PLBD2: variants seen among roughly 807,000 people sequenced by gnomAD.
The protein encoded by PLBD2 is phospholipase B domain containing 2.
In PLBD2, 51 loss-of-function variants were observed where a neutral mutation model predicts 68.3. The ratio of observed to expected loss-of-function variants is 0.75; its 90% confidence interval spans 0.60 to 0.94. PLBD2 has a LOEUF of 0.94. PLBD2 is among the 40% of genes least tolerant of loss of function. The probability of loss-of-function intolerance (pLI) is 0.00; values close to 1 mark genes in which losing one functional copy is unlikely to be tolerated. For missense variants in PLBD2, 729 were observed against 792.2 expected (o/e 0.92, Z 0.96); for synonymous variants, 314 against 339.3 (o/e 0.93, Z 0.82).
At chr12:113,371,310 G>A (rs1332217927) in intron 2 of PLBD2, among the ~76,000 whole-genome samples, 1 of 152,232 alleles carries the variant, frequency 6.6e-6, no homozygotes, top group African/African-American at 2.4e-5. Context: ...AAACACCATG[G>A]GCAGGTGAAT....
At chr12:113,369,237 T>C (rs779289021) in intron 2 of PLBD2, 28 bp downstream of exon 2, 1 of 1,536,998 alleles carries the variant, frequency 6.5e-7, no homozygotes, top group Non-Finnish European at 8.8e-7. Flanking sequence ...GACATGGGGC[T>C]CCCACCCTGC....
chr12:113,384,072 G>T lies in PLBD2; in HGVS notation c.958-33G>T. Reference sequence around the variant, plus strand: ...CTGCCACTTGGTGGCAGCATGCCTAGGCTGTGCAGCAGCCCCCTTGACCTT... The same window carrying T: ...CTGCCACTTGGTGGCAGCATGCCTATGCTGTGCAGCAGCCCCCTTGACCTT... On this transcript the variant is annotated intron_variant, in intron 6 of 11. Coordinates refer to ENST00000280800, the MANE Select transcript of PLBD2 (RefSeq NM_173542.4). The surrounding 1 kb of genome is among the most constrained non-coding windows in gnomAD (Gnocchi z 4.2). The T allele has an allele frequency of 6.4e-7, 1 of 1,556,726 alleles. No individual in the cohort carries two copies. Among genetic ancestry groups the T allele is most frequent in the Non-Finnish European group, 8.7e-7 (1 of 1,146,978 alleles).
chr12:113,370,686 C>G (rs1470708152), intron 2 of PLBD2, among the ~76,000 whole-genome samples: 2 of 151,978 alleles, frequency 1.3e-5, no homozygotes, highest in Non-Finnish European at 2.9e-5. Context: ...CCATGTTGGC[C>G]AGGCTGGTCT....
intron 1 of PLBD2, among the ~76,000 whole-genome samples, chr12:113,362,292 A>G (rs367983428): frequency 6.6e-6 from 1 of 151,628 alleles, no homozygotes; most frequent in African/African-American, 2.4e-5. Flanking sequence ...GTGCCACTGC[A>G]CTCCAGCCTG....
chr12:113,368,505 G>A (rs77268200), intron 1 of PLBD2, among the ~76,000 whole-genome samples: 3,684 of 152,236 alleles, frequency 0.024, 134 homozygotes, highest in East Asian at 0.12. Context: ...GCTTCCTGAA[G>A]GCTAATCTTA....
At chr12:113,375,171 G>A in intron 5 of PLBD2, 164 bp downstream of exon 5, 1 of 672,850 alleles carries the variant, frequency 1.5e-6, no homozygotes, top group Non-Finnish European at 2.5e-6. Context: ...TTTGAGTTGG[G>A]GTCTTGCTCT....
chr12:113,378,291 C>CAA (rs34764422), intron 5 of PLBD2, among the ~76,000 whole-genome samples: 48 of 131,524 alleles, frequency 3.6e-4, no homozygotes, highest in African/African-American at 8.3e-4. Flanking sequence ...GCCTCTGTCT[C>CAA]AAAAAAAAAA....
chr12:113,371,511 G>A (rs1195530378), intron 2 of PLBD2, among the ~76,000 whole-genome samples: 1 of 152,260 alleles, frequency 6.6e-6, no homozygotes, highest in Admixed American at 6.5e-5. Flanking sequence ...GGACCTTAGT[G>A]TCTGGGGAAG....
intron 9 of PLBD2, among the ~76,000 whole-genome samples, chr12:113,386,480 A>C (rs1432571185): frequency 6.9e-6 from 1 of 145,860 alleles, no homozygotes. Context: ...CAGCCTCCCA[A>C]GTAGCTGGGA....
At position 113,390,287 on chromosome 12, in the gene PLBD2, C is replaced by G. The variant is rs75792004; in HGVS notation, c.*1661C>G. On this transcript the variant is annotated 3_prime_UTR_variant, in exon 12 of 12. Coordinates refer to ENST00000280800, the MANE Select transcript of PLBD2 (RefSeq NM_173542.4). ...CCACCCACCCAATCATCTACCCACTCACCTATCCACCCATCCACCTACCTA... is the reference window on the plus strand; with the variant it reads ...CCACCCACCCAATCATCTACCCACTGACCTATCCACCCATCCACCTACCTA... The G allele has an allele frequency of 0.037, 5,642 of 151,612 alleles. 135 individuals carry two copies. The highest frequency in any genetic ancestry group is 0.092 in the Middle Eastern group (27 of 294). 9.4% of individuals were successfully genotyped at this position (151,612 alleles called of 1,614,324 possible). A position where few individuals can be genotyped will look rare whatever the true frequency, so the allele number is the denominator to read the frequency against.
At position 113,372,564 on chromosome 12, in the gene PLBD2, C is replaced by G; in HGVS notation, c.385-85C>G. ...CAGGTGGCCACACCAGCAGCCTCCG[C>G]TCTGGGGCAGCCTGGGTGGGGGGCT... is the stretch of plus-strand genomic sequence containing the variant. On this transcript the variant is annotated intron_variant, in intron 2 of 11. Coordinates refer to ENST00000280800, the MANE Select transcript of PLBD2 (RefSeq NM_173542.4). The surrounding 1 kb of genome is among the most constrained non-coding windows in gnomAD (Gnocchi z 4.2). 1 of 1,471,940 alleles carries G rather than the reference C, an allele frequency of 6.8e-7. No homozygotes were observed. The highest frequency in any genetic ancestry group is 2.2e-4 in the Middle Eastern group (1 of 4,492). The allele number at this position is 1,471,940 out of a possible 1,614,324, so 91.2% of individuals were successfully genotyped here.
intron 2 of PLBD2, among the ~76,000 whole-genome samples, chr12:113,371,787 G>A (rs1266291762): frequency 6.6e-6 from 1 of 152,230 alleles, no homozygotes; most frequent in African/African-American, 2.4e-5. Context: ...CTTTCACAAG[G>A]TCAGCCAGCC....
chr12:113,388,662 G>T lies in PLBD2; in HGVS notation c.*36G>T, dbSNP rs767685660. The T allele has an allele frequency of 2.1e-5, 32 of 1,526,740 alleles. No individual in the cohort carries two copies. 94.6% of individuals were successfully genotyped at this position (1,526,740 alleles called of 1,614,324 possible). On this transcript the variant is annotated 3_prime_UTR_variant, in exon 12 of 12. Coordinates refer to ENST00000280800, the MANE Select transcript of PLBD2 (RefSeq NM_173542.4). ...CTGCTCTGCTGCTTTCGCCCCTGCTGACCCTCGTCAGGGTCACCCCCGTCC... is the reference window on the plus strand; with the variant it reads ...CTGCTCTGCTGCTTTCGCCCCTGCTTACCCTCGTCAGGGTCACCCCCGTCC...
chr12:113,384,966 GGGGT>G lies in PLBD2; in HGVS notation c.1214+24_1214+27del. The G allele has an allele frequency of 1.3e-6, 2 of 1,595,560 alleles. No homozygotes were observed. Among genetic ancestry groups the G allele is most frequent in the Non-Finnish European group, 1.7e-6 (2 of 1,167,038 alleles). ...GATCCCGTGCGTACCCTGGGAGGGAGGGGTGGGGGCTCGGGGCAGAGGGGACTGC... is the reference window on the plus strand; with the variant it reads ...GATCCCGTGCGTACCCTGGGAGGGAGGGGGGCTCGGGGCAGAGGGGACTGC... On this transcript the variant is annotated intron_variant, in intron 8 of 11. Coordinates refer to ENST00000280800, the MANE Select transcript of PLBD2 (RefSeq NM_173542.4). The surrounding 1 kb of genome is among the most constrained non-coding windows in gnomAD (Gnocchi z 4.2).
At position 113,390,701 on chromosome 12, in the gene PLBD2, A is replaced by G. The variant is rs1188717908; in HGVS notation, c.*2075A>G. 3 of 149,720 alleles carry G rather than the reference A, an allele frequency of 2.0e-5. No homozygotes were observed. The highest frequency in any genetic ancestry group is 4.0e-4 in the East Asian group (2 of 5,030). 9.3% of individuals were successfully genotyped at this position (149,720 alleles called of 1,614,324 possible). On this transcript the variant is annotated 3_prime_UTR_variant, in exon 12 of 12. Transcript: ENST00000280800. ...AATTCACTCATCCATCCACCTACCT[A>G]TCCATTTATCATCCATCTACCCACT...
chr12:113,379,106 G>A (rs547576859), intron 5 of PLBD2, among the ~76,000 whole-genome samples: 9 of 152,024 alleles, frequency 5.9e-5, no homozygotes, highest in Non-Finnish European at 1.3e-4. Context: ...GTCAGAGTTC[G>A]AGACCAGCCT....
Position 113,372,151 on chromosome 12 carries a change from G to A in PLBD2, c.385-498G>A, listed in dbSNP as rs558129814. Among the ~76,000 whole-genome samples, 8 of 151,988 alleles carry A rather than the reference G, an allele frequency of 5.3e-5. No individual in the cohort carries two copies. Among genetic ancestry groups the A allele is most frequent in the Admixed American group, 1.3e-4 (2 of 15,254 alleles). On this transcript the variant is annotated intron_variant, in intron 2 of 11. Coordinates refer to ENST00000280800, the MANE Select transcript of PLBD2 (RefSeq NM_173542.4). This position sits in a 1 kb window ranked among gnomAD's most constrained non-coding sequence, Gnocchi z 4.2. Reference sequence around the variant, plus strand: ...TCACTCACGGGGATGACCAGGCTACGTGGTCTTTTGTCCCCCAGCAGGCGA... The same window carrying A: ...TCACTCACGGGGATGACCAGGCTACATGGTCTTTTGTCCCCCAGCAGGCGA...
chr12:113,386,848 C>G (rs1021929351), intron 9 of PLBD2, 89 bp from the exon 10 acceptor site: 10 of 1,482,544 alleles, frequency 6.7e-6, no homozygotes, highest in Non-Finnish European at 9.1e-6. Context: ...TAATAATGTC[C>G]TGGTGTGACT....
Position 113,386,984 on chromosome 12 carries a change from C to T in PLBD2, c.1334C>T (p.Ala445Val). 3 of 1,612,930 alleles carry T rather than the reference C, an allele frequency of 1.9e-6. No individual in the cohort carries two copies. The highest frequency in any genetic ancestry group is 2.5e-6 in the Non-Finnish European group (3 of 1,179,596). The stretch of plus-strand genomic sequence containing the variant: ...GCCAGTGGGCTGCAGGCCCTAGTGG[C>T]CCAGTATGGGGACTGGTTTTCTTAT... ...FNASGLQALV[A>V]QYGDWFSYDG... Residue 445 changes from alanine to valine, a missense_variant, in exon 10 of 12, where the codon GCC (alanine) becomes GTC (valine). Ala to Val is a moderately conservative substitution (Grantham distance 64). Coordinates refer to ENST00000280800, the MANE Select transcript of PLBD2 (RefSeq NM_173542.4).
Sources: gnomAD v4.1 joint callset for allele counts (sites outside exome capture counted in the v4.1 genomes callset) on GRCh38, gnomAD v4.1.1 for gene constraint, Gnocchi (gnomAD v3.1) non-coding constraint, MANE v1.5 for transcripts, NCBI Gene and HGNC (gene_info 2026-07-23, HGNC 2026-07-21) for gene names.